NALCN: variants seen among roughly 807,000 people sequenced by gnomAD.
NALCN encodes the protein sodium leak channel NALCN.
A neutral mutation model predicts 225.3 loss-of-function variants in NALCN; 111 were observed. That is an observed-to-expected ratio of 0.49 (90% CI 0.42 to 0.58). NALCN has a LOEUF of 0.58. NALCN is among the 20% of genes least tolerant of loss of function. The pLI is 0.00. For missense variants in NALCN, 1,378 were observed against 2,202.4 expected, an observed-to-expected ratio of 0.63 and a Z score of 7.49; for synonymous variants, 764 against 769.0, an observed-to-expected ratio of 0.99 and a Z score of 0.11.
chr13:101,416,822 G>C (rs141208332), upstream of NALCN, among the ~76,000 whole-genome samples: 574 of 152,034 alleles, frequency 3.8e-3, 5 homozygotes, highest in African/African-American at 0.013. Flanking sequence ...GGAGTCCGCC[G>C]GGCACACGCG....
chr13:101,407,000 A>C (rs1295769381), intron 1 of NALCN, among the ~76,000 whole-genome samples: 1 of 152,200 alleles, frequency 6.6e-6, no homozygotes, highest in Non-Finnish European at 1.5e-5. Context: ...GATTCCACCT[A>C]TGATACATGG....
chr13:101,333,249 GGTT>G (rs2045250145), intron 7 of NALCN, among the ~76,000 whole-genome samples: 1 of 152,006 alleles, frequency 6.6e-6, no homozygotes, highest in South Asian at 2.1e-4. Context: ...TTGTGGTAGT[GGTT>G]GTTATTTTTG....
chr13:101,357,390 A>G (rs9554774), intron 6 of NALCN, among the ~76,000 whole-genome samples: 16,080 of 152,094 alleles, frequency 0.11, 1,284 homozygotes, highest in East Asian at 0.35. Context: ...TACACCAAAA[A>G]TACACAAGCA....
At chr13:101,229,367 A>AGAG (rs2041261513) in intron 13 of NALCN, 26 bp downstream of exon 13, 1 of 1,498,742 alleles carries the variant, frequency 6.7e-7, no homozygotes, top group Admixed American at 2.4e-5. Flanking sequence ...AATGAATTTA[A>AGAG]CTTACTGCAT....
intron 13 of NALCN, among the ~76,000 whole-genome samples, chr13:101,219,595 C>T (rs1366480530): frequency 6.6e-6 from 1 of 152,192 alleles, no homozygotes; most frequent in African/African-American, 2.4e-5. Context: ...ATTCCTAACA[C>T]TCACAGGCTG....
At chr13:101,299,276 C>T (rs550255917) in intron 7 of NALCN, among the ~76,000 whole-genome samples, 75 of 152,302 alleles carry the variant, frequency 4.9e-4, no homozygotes, top group Non-Finnish European at 9.0e-4. Context: ...GCTATCTCTG[C>T]TTGCGGAATA....
At chr13:101,286,851 A>G (rs974950058) in intron 9 of NALCN, among the ~76,000 whole-genome samples, 1 of 145,134 alleles carries the variant, frequency 6.9e-6, no homozygotes, top group South Asian at 2.3e-4. Flanking sequence ...TACAGTTAAC[A>G]TTCCAGGTAT....
At chr13:101,230,821 T>C (rs2041314747) in intron 12 of NALCN, among the ~76,000 whole-genome samples, 1 of 148,742 alleles carries the variant, frequency 6.7e-6, no homozygotes, top group Non-Finnish European at 1.5e-5. Flanking sequence ...ATTCTCTCTC[T>C]ATATATACAC....
At chr13:101,345,163 C>A in intron 7 of NALCN, 103 bp downstream of exon 7, 1 of 1,211,168 alleles carries the variant, frequency 8.3e-7, no homozygotes, top group Non-Finnish European at 1.1e-6. Flanking sequence ...TTCTTCTATA[C>A]TACAGCCAGT....
chr13:101,088,629 G>A (rs1400079695), intron 30 of NALCN, among the ~76,000 whole-genome samples: 1 of 152,142 alleles, frequency 6.6e-6, no homozygotes, highest in African/African-American at 2.4e-5. Flanking sequence ...CACAGTGTGT[G>A]CTCAAAAACT....
intron 6 of NALCN, among the ~76,000 whole-genome samples, chr13:101,367,072 G>C (rs1361107527): frequency 6.6e-6 from 1 of 151,910 alleles, no homozygotes; most frequent in Non-Finnish European, 1.5e-5. Context: ...TTAGCATAAT[G>C]TCCTCTAGAT....
intron 1 of NALCN, among the ~76,000 whole-genome samples, chr13:101,409,903 T>G (rs2047730632): frequency 6.6e-6 from 1 of 152,174 alleles, no homozygotes; most frequent in Admixed American, 6.6e-5. Context: ...AAGTCATATG[T>G]TGAAGCTCTT....
chr13:101,382,964 T>C (rs17584133), intron 3 of NALCN, among the ~76,000 whole-genome samples: 31,588 of 152,154 alleles, frequency 0.21, 3,878 homozygotes, highest in Non-Finnish European at 0.29. Context: ...GTTTCATGTA[T>C]TACTTTTTGG....
At chr13:101,130,449 C>T (rs1566313504) in intron 17 of NALCN, among the ~76,000 whole-genome samples, 1 of 152,128 alleles carries the variant, frequency 6.6e-6, no homozygotes. Context: ...ATTTTTATGC[C>T]AAATGGTTTA....
intron 6 of NALCN, among the ~76,000 whole-genome samples, chr13:101,351,510 A>G (rs2045907356): frequency 1.3e-5 from 2 of 152,110 alleles, no homozygotes; most frequent in South Asian, 4.1e-4. Context: ...ATACCTCAGG[A>G]CCTCAGAGTC....
intron 30 of NALCN, among the ~76,000 whole-genome samples, chr13:101,086,310 C>A (rs546274892): frequency 2.6e-5 from 4 of 151,898 alleles, no homozygotes; most frequent in Non-Finnish European, 5.9e-5. Flanking sequence ...TTAATATATA[C>A]ACTTAAAACG....
chr13:101,396,872 T>C (rs1228041133), intron 2 of NALCN, among the ~76,000 whole-genome samples: 2 of 151,550 alleles, frequency 1.3e-5, no homozygotes, highest in Non-Finnish European at 2.9e-5. Flanking sequence ...CTTCATAAGT[T>C]TGTAGAAAGC....
chr13:101,391,483 G>C (rs1356062663), intron 3 of NALCN, among the ~76,000 whole-genome samples: 1 of 150,332 alleles, frequency 6.7e-6, no homozygotes, highest in African/African-American at 2.5e-5. Flanking sequence ...GGGAGTTGGA[G>C]ACCAGCCTGG....
chr13:101,404,481 C>T (rs910023244), intron 1 of NALCN, among the ~76,000 whole-genome samples: 2 of 152,130 alleles, frequency 1.3e-5, no homozygotes, highest in Non-Finnish European at 2.9e-5. Flanking sequence ...ATCAGGGATT[C>T]CACTTCTAGA....
Sources: gnomAD v4.1 joint callset for allele counts (sites outside exome capture counted in the v4.1 genomes callset) on GRCh38, gnomAD v4.1.1 for gene constraint, MANE v1.5 for transcripts, NCBI Gene and HGNC (gene_info 2026-07-23, HGNC 2026-07-21) for gene names.